CCDC192: variants seen among roughly 807,000 people sequenced by gnomAD.
The protein encoded by CCDC192 is coiled-coil domain-containing protein 192.
chr5:127,850,193 A>T (rs1561522335), intron 5 of CCDC192, among the ~76,000 whole-genome samples: 1 of 152,028 alleles, frequency 6.6e-6, no homozygotes, highest in Non-Finnish European at 1.5e-5. Context: ...GCCACCAGGA[A>T]CATCGCATAT....
intron 5 of CCDC192, among the ~76,000 whole-genome samples, chr5:127,869,860 G>C (rs1311160017): frequency 6.6e-6 from 1 of 152,136 alleles, no homozygotes; most frequent in African/African-American, 2.4e-5. Flanking sequence ...CATAAAATAA[G>C]ATGAGTTGGG....
chr5:127,911,766 G>T (rs532703580), intron 6 of CCDC192, among the ~76,000 whole-genome samples: 1 of 147,966 alleles, frequency 6.8e-6, no homozygotes, highest in East Asian at 2.0e-4. Flanking sequence ...GAATGCAGTG[G>T]TGTAATCATA....
intron 2 of CCDC192, among the ~76,000 whole-genome samples, chr5:127,753,512 A>G (rs1315967468): frequency 6.6e-6 from 1 of 152,088 alleles, no homozygotes; most frequent in Non-Finnish European, 1.5e-5. Context: ...CCTGGCCAAC[A>G]TGGGGAATCC....
intron 2 of CCDC192, among the ~76,000 whole-genome samples, chr5:127,734,351 A>C (rs1752838029): frequency 6.6e-6 from 1 of 151,978 alleles, no homozygotes; most frequent in Admixed American, 6.6e-5. Flanking sequence ...GTTGGTTCCA[A>C]GTCTTTGCTA....
chr5:127,733,349 C>G (rs1415095415), intron 2 of CCDC192, among the ~76,000 whole-genome samples: 9 of 152,138 alleles, frequency 5.9e-5, no homozygotes, highest in Non-Finnish European at 1.5e-5. Context: ...AGCCGTTATA[C>G]TAAGTAAAGT....
At chr5:127,842,760 G>T (rs1750345850) in intron 5 of CCDC192, among the ~76,000 whole-genome samples, 1 of 152,132 alleles carries the variant, frequency 6.6e-6, no homozygotes, top group African/African-American at 2.4e-5. Context: ...TTGCCTCAAT[G>T]ATTATACTAG....
intron 2 of CCDC192, among the ~76,000 whole-genome samples, chr5:127,750,908 T>G (rs2126864286): frequency 6.6e-6 from 1 of 150,534 alleles, no homozygotes; most frequent in Non-Finnish European, 1.5e-5. Context: ...TGGTTTAAAG[T>G]CTGTTTTATC....
At chr5:127,754,536 A>C (rs28379238) in intron 3 of CCDC192, among the ~76,000 whole-genome samples, 161 bp downstream of exon 3, 2,051 of 149,640 alleles carry the variant, frequency 0.014, 41 homozygotes, top group African/African-American at 0.043. Flanking sequence ...CCCCCACCCC[A>C]CACACACACA....
At chr5:127,895,169 A>T (rs1364723751) in intron 6 of CCDC192, among the ~76,000 whole-genome samples, 1 of 152,076 alleles carries the variant, frequency 6.6e-6, no homozygotes, top group South Asian at 2.1e-4. Flanking sequence ...TTCTTCTAAC[A>T]GTGGGTCTGA....
chr5:127,772,421 C>T (rs1467255725), intron 3 of CCDC192, among the ~76,000 whole-genome samples: 2 of 148,556 alleles, frequency 1.3e-5, no homozygotes, highest in Non-Finnish European at 3.0e-5. Flanking sequence ...GAGCCAAGAT[C>T]ACACCACTGC....
At chr5:127,744,727 AC>A (rs1753639019) in intron 2 of CCDC192, among the ~76,000 whole-genome samples, 1 of 152,170 alleles carries the variant, frequency 6.6e-6, no homozygotes, top group African/African-American at 2.4e-5. Context: ...ATTTTCTTTT[AC>A]TTGGGTTTTA....
intron 2 of CCDC192, among the ~76,000 whole-genome samples, chr5:127,718,580 G>A (rs1751776206): frequency 6.6e-6 from 1 of 152,136 alleles, no homozygotes; most frequent in Admixed American, 6.5e-5. Flanking sequence ...ATGTGAAAAA[G>A]GGAGATAAAT....
intron 3 of CCDC192, among the ~76,000 whole-genome samples, chr5:127,777,628 C>G (rs1372344095): frequency 1.3e-5 from 2 of 152,136 alleles, no homozygotes; most frequent in African/African-American, 4.8e-5. Flanking sequence ...CCACCCAAAT[C>G]TCATCTTGAA....
intron 5 of CCDC192, among the ~76,000 whole-genome samples, chr5:127,841,036 A>T (rs1244655702): frequency 6.6e-6 from 1 of 152,240 alleles, no homozygotes; most frequent in Non-Finnish European, 1.5e-5. Flanking sequence ...TTGTATAGAA[A>T]TAAGATGTGA....
intron 6 of CCDC192, among the ~76,000 whole-genome samples, chr5:127,907,728 G>A (rs1753238965): frequency 6.6e-6 from 1 of 152,150 alleles, no homozygotes; most frequent in Admixed American, 6.5e-5. Flanking sequence ...AAGTAATGTA[G>A]CTCACATAAC....
intron 6 of CCDC192, among the ~76,000 whole-genome samples, chr5:127,889,424 A>G (rs1171578489): frequency 1.5e-5 from 2 of 134,540 alleles, no homozygotes; most frequent in East Asian, 4.3e-4. Context: ...TTTTTTTGAG[A>G]CAGAGTCTTG....
intron 2 of CCDC192, among the ~76,000 whole-genome samples, chr5:127,731,708 A>ATAT (rs1580547731): frequency 4.1e-4 from 60 of 145,414 alleles, no homozygotes; most frequent in Non-Finnish European, 7.7e-4. Flanking sequence ...CAGAAATAAG[A>ATAT]CTATGACCAT....
At chr5:127,827,607 C>T (rs1223807520) in intron 5 of CCDC192, among the ~76,000 whole-genome samples, 2 of 152,132 alleles carry the variant, frequency 1.3e-5, no homozygotes, top group African/African-American at 4.8e-5. Context: ...AAGAATTGGG[C>T]GTGGTCTGCG....
At position 127,934,702 on chromosome 5, in the gene CCDC192, C is replaced by T. The variant is rs925132135; in HGVS notation, c.536-6480C>T. Reference sequence around the variant, plus strand: ...ATTTCAGAGAATAGCCATTTGCAAACGTTCACTGTAAAAATCTAGAGGATA... The same window carrying T: ...ATTTCAGAGAATAGCCATTTGCAAATGTTCACTGTAAAAATCTAGAGGATA... On this transcript the variant is annotated intron_variant, in intron 6 of 6. Coordinates refer to ENST00000514853, the MANE Select transcript of CCDC192 (RefSeq NM_001317938.2). Among the ~76,000 whole-genome samples, 22 of 152,208 alleles carry T rather than the reference C, an allele frequency of 1.4e-4. No individual in the cohort carries two copies. The South Asian group carries it at 1.9e-3, about 13-fold the overall frequency.
Sources: gnomAD v4.1 joint callset for allele counts (sites outside exome capture counted in the v4.1 genomes callset) on GRCh38, gnomAD v4.1.1 for gene constraint, MANE v1.5 for transcripts, NCBI Gene and HGNC (gene_info 2026-07-23, HGNC 2026-07-21) for gene names.